Variants in APBA1 observed in about 807,000 individuals in gnomAD.
APBA1 encodes the protein amyloid beta precursor protein binding family A member 1.
Under a neutral mutation model 86.6 loss-of-function variants are expected in APBA1, and 55 were observed. That is an observed-to-expected ratio of 0.64 (90% CI 0.51 to 0.80). The LOEUF is 0.80. Ranked by LOEUF, APBA1 falls within the 30% of genes least tolerant of loss-of-function variation. The pLI is 0.00. For missense variants in APBA1, 1,090 were observed against 1,183.0 expected, an observed-to-expected ratio of 0.92 and a Z score of 1.15; for synonymous variants, 511 against 493.9, an observed-to-expected ratio of 1.03 and a Z score of -0.46.
At chr9:69,460,238 G>A (rs1010430599) in intron 5 of APBA1, among the ~76,000 whole-genome samples, 3 of 152,206 alleles carry the variant, frequency 2.0e-5, no homozygotes, top group African/African-American at 7.2e-5. Flanking sequence ...ATGCCCTGCT[G>A]TTCTTACTGG....
chr9:69,504,859 G>C (rs1468890384), intron 2 of APBA1, among the ~76,000 whole-genome samples: 2 of 152,058 alleles, frequency 1.3e-5, no homozygotes, highest in Admixed American at 1.3e-4. Context: ...GCGGGGAGGA[G>C]GAGTCGCCTA....
At chr9:69,606,523 G>A (rs1008848423) in intron 1 of APBA1, among the ~76,000 whole-genome samples, 54 of 111,300 alleles carry the variant, frequency 4.9e-4, no homozygotes, top group African/African-American at 1.7e-3. Context: ...ATGGAGTCTC[G>A]CTCTGTCGCC....
chr9:69,606,728 G>A (rs184962553), intron 1 of APBA1, among the ~76,000 whole-genome samples: 194 of 152,028 alleles, frequency 1.3e-3, no homozygotes, highest in African/African-American at 4.6e-3. Flanking sequence ...TCCTGACCTC[G>A]TGATGCGCAC....
intron 9 of APBA1, among the ~76,000 whole-genome samples, chr9:69,450,363 A>G (rs575748543): frequency 6.8e-4 from 104 of 152,346 alleles, no homozygotes; most frequent in African/African-American, 2.4e-3. Context: ...TCCTGGATAC[A>G]CAGACTTTTC....
At chr9:69,442,196 T>G (rs563417279) in intron 10 of APBA1, among the ~76,000 whole-genome samples, 24 of 152,290 alleles carry the variant, frequency 1.6e-4, no homozygotes, top group African/African-American at 5.5e-4. Context: ...CATTGCCACA[T>G]GGAGGAGAAG....
intron 1 of APBA1, among the ~76,000 whole-genome samples, chr9:69,564,913 G>A (rs573304421): frequency 4.1e-4 from 62 of 152,098 alleles, no homozygotes; most frequent in Non-Finnish European, 8.1e-4. Flanking sequence ...AAGTAGAAAC[G>A]ACCCAAATGG....
At chr9:69,465,326 CCATTCACCTGGAAGCCCAGGTGG>C (rs1446287022) in intron 5 of APBA1, 6 of 152,218 alleles carry the variant, frequency 3.9e-5, no homozygotes, top group African/African-American at 1.2e-4. Context: ...GCTAACAGCA[CCATTCACCTGGAAGCCCAGGTGG>C]CATATCTGGT....
chr9:69,584,206 T>C (rs1382898269), intron 1 of APBA1, among the ~76,000 whole-genome samples: 1 of 152,226 alleles, frequency 6.6e-6, no homozygotes, highest in Non-Finnish European at 1.5e-5. Flanking sequence ...TTTCCATCCA[T>C]ATGTGTACAT....
At chr9:69,571,299 C>T (rs923625736) in intron 1 of APBA1, among the ~76,000 whole-genome samples, 8 of 152,260 alleles carry the variant, frequency 5.3e-5, no homozygotes, top group Admixed American at 2.0e-4. Flanking sequence ...AGTTCTACAC[C>T]GCTGTATCAT....
At chr9:69,556,352 T>G (rs1157879157) in intron 1 of APBA1, among the ~76,000 whole-genome samples, 2 of 151,988 alleles carry the variant, frequency 1.3e-5, no homozygotes, top group African/African-American at 2.4e-5. Context: ...ACTGAAGTCT[T>G]GGGGACAAGT....
At chr9:69,444,141 C>T (rs1312017511) in intron 10 of APBA1, among the ~76,000 whole-genome samples, 2 of 152,236 alleles carry the variant, frequency 1.3e-5, no homozygotes, top group African/African-American at 4.8e-5. Context: ...CTCCCCATGG[C>T]TGTCACTCAG....
Position 69,448,142 on chromosome 9 carries a change from G to A in APBA1, c.2181+1442C>T, listed in dbSNP as rs146054175. 3.2e-3 allele frequency among the ~76,000 whole-genome samples: 481 copies of A among 152,124 alleles called. 3 individuals carry two copies. The highest frequency in any genetic ancestry group is 0.011 in the African/African-American group (453 of 41,504). On this transcript the variant is annotated intron_variant, in intron 10 of 12. Transcript: ENST00000265381. The stretch of plus-strand genomic sequence containing the variant: ...TCAATTCAAGCAGAAACTTCCAAAC[G>A]CCACTTCCCTTTCTGCTACCTACCT...
chr9:69,659,785 T>C lies in APBA1; in HGVS notation c.-70+12368A>G, dbSNP rs753134978. ...CATCTACCATAGCAGTAACAATTTA[T>C]GTCAAGTCAAAGTATACTTTATAAT... On this transcript the variant is annotated intron_variant, in intron 1 of 12. Transcript: ENST00000265381. Among the ~76,000 whole-genome samples the C allele has an allele frequency of 2.9e-4, 44 of 152,246 alleles. 1 individual carries two copies. Among genetic ancestry groups the C allele is most frequent in the Non-Finnish European group, 5.9e-4 (40 of 68,044 alleles).
At chr9:69,592,347 G>A (rs1181829820) in intron 1 of APBA1, among the ~76,000 whole-genome samples, 1 of 152,180 alleles carries the variant, frequency 6.6e-6, no homozygotes, top group Admixed American at 6.5e-5. Flanking sequence ...TGTGATCCCA[G>A]TGCTTTGGGA....
intron 1 of APBA1, among the ~76,000 whole-genome samples, chr9:69,588,025 C>CA (rs35212894): frequency 0.68 from 72,734 of 106,356 alleles, 24,824 homozygotes; most frequent in East Asian, 0.89. Flanking sequence ...GACTCTGTCT[C>CA]AAAAAAAAAA....
intron 1 of APBA1, among the ~76,000 whole-genome samples, chr9:69,570,141 T>C (rs1201869342): frequency 1.3e-5 from 2 of 152,228 alleles, no homozygotes; most frequent in Non-Finnish European, 1.5e-5. Flanking sequence ...ACCTAAAGGC[T>C]ACTGAACACA....
At chr9:69,505,468 G>A (rs1024983205) in intron 2 of APBA1, among the ~76,000 whole-genome samples, 3 of 152,094 alleles carry the variant, frequency 2.0e-5, no homozygotes, top group African/African-American at 7.2e-5. Flanking sequence ...TACCACTAGG[G>A]TGTTGCCAAA....
chr9:69,635,837 A>C (rs1823146597), intron 1 of APBA1, among the ~76,000 whole-genome samples: 1 of 152,184 alleles, frequency 6.6e-6, no homozygotes, highest in South Asian at 2.1e-4. Flanking sequence ...AAACTCTCTG[A>C]GACATTGGCT....
At chr9:69,463,365 A>G (rs1835222861) in intron 5 of APBA1, 1 of 152,166 alleles carries the variant, frequency 6.6e-6, no homozygotes. Context: ...GTTTCTTTTC[A>G]CATTAAGTAG....
Sources: allele counts gnomAD v4.1 joint callset (sites outside exome capture counted in the v4.1 genomes callset), GRCh38; gene constraint gnomAD v4.1.1; transcripts MANE v1.5; gene names NCBI Gene and HGNC (gene_info 2026-07-23, HGNC 2026-07-21).